Variants in DHRS4 observed in about 807,000 individuals in gnomAD.
The protein encoded by DHRS4 is dehydrogenase/reductase SDR family member 4.
Under a neutral mutation model 28.4 loss-of-function variants are expected in DHRS4, and 20 were observed. The observed-to-expected ratio is 0.71, with a 90% confidence interval of 0.50 to 1.02. The LOEUF is 1.02. Ranked by LOEUF, DHRS4 falls within the 50% of genes least tolerant of loss-of-function variation. DHRS4 has a pLI of 0.00. For synonymous variants in DHRS4, 144 were observed against 146.4 expected (o/e 0.98, Z 0.12); for missense variants, 378 against 367.2 (o/e 1.03, Z -0.24).
chr14:23,967,715 C>CA (rs1309656294), intron 7 of DHRS4: 1 of 273,228 alleles, frequency 3.7e-6, no homozygotes, highest in East Asian at 8.7e-5. Context: ...CTTTCTTCCC[C>CA]AGTGAGCTGG....
At chr14:23,959,490 C>A (rs60914253) in intron 2 of DHRS4, among the ~76,000 whole-genome samples, 1 of 151,900 alleles carries the variant, frequency 6.6e-6, no homozygotes, top group South Asian at 2.1e-4. Context: ...CCCAGTAGGT[C>A]AAGGCTGCAG....
intron 1 of DHRS4, 86 bp from the exon 2 acceptor site, chr14:23,954,949 C>T: frequency 6.3e-7 from 1 of 1,576,098 alleles, no homozygotes; most frequent in Non-Finnish European, 8.6e-7. Flanking sequence ...AGAATTCAAA[C>T]CCGGGCAGTC....
At chr14:23,960,127 G>A in intron 3 of DHRS4, 124 bp downstream of exon 3, 1 of 915,948 alleles carries the variant, frequency 1.1e-6, no homozygotes, top group Non-Finnish European at 1.8e-6. Flanking sequence ...TTTGCCACGT[G>A]CCACACACCT....
intron 3 of DHRS4, among the ~76,000 whole-genome samples, chr14:23,962,774 G>A (rs554801485): frequency 8.6e-5 from 13 of 150,930 alleles, no homozygotes; most frequent in Middle Eastern, 3.4e-3. Context: ...ATCCTTTACA[G>A]AAGGTTTTCA....
chr14:23,954,909 C>T lies in DHRS4; in HGVS notation c.129-126C>T, dbSNP rs1336353723. ...TTAAGCCTGTTTTACACATAGTAGG[C>T]ACACGTAGGGGTTATATAGAGAAAG... On this transcript the variant is annotated intron_variant, in intron 1 of 7. Coordinates refer to ENST00000313250, the MANE Select transcript of DHRS4 (RefSeq NM_021004.4). 2.7e-6 allele frequency: 4 copies of T among 1,474,884 alleles called. No homozygotes were observed. In the East Asian group the frequency reaches 7.0e-5, roughly 26 times the overall value. 91.4% of individuals were successfully genotyped at this position (1,474,884 alleles called of 1,614,324 possible).
chr14:23,955,575 G>A (rs1178430938), intron 2 of DHRS4, among the ~76,000 whole-genome samples: 1 of 152,048 alleles, frequency 6.6e-6, no homozygotes, highest in East Asian at 1.9e-4. Flanking sequence ...GGAACCTCAG[G>A]AAGCAGCCCA....
chr14:23,955,183 G>A lies in DHRS4; in HGVS notation c.277G>A (p.Ala93Thr), dbSNP rs1566467428. The A allele has an allele frequency of 6.2e-7, 1 of 1,613,652 alleles. No homozygotes were observed. The highest frequency in any genetic ancestry group is 2.2e-5 in the East Asian group (1 of 44,878). ...GGGCACCGTGTGCCATGTGGGGAAG[G>A]CGGAGGACCGGGAGCGGCTGGTGGC... ...VTGTVCHVGK[A>T]EDRERLVATA... The change falls in exon 2 of 8, where the codon GCG becomes ACG. Residue 93 changes from alanine (A) to threonine (T), a missense_variant. Coordinates refer to ENST00000313250, the MANE Select transcript of DHRS4 (RefSeq NM_021004.4).
intron 2 of DHRS4, among the ~76,000 whole-genome samples, chr14:23,956,804 A>G (rs965114771): frequency 3.3e-5 from 5 of 152,170 alleles, no homozygotes; most frequent in African/African-American, 1.2e-4. Context: ...GGGTTTCACC[A>G]TGTTGGCCAG....
At chr14:23,959,169 T>C (rs1006123342) in intron 2 of DHRS4, among the ~76,000 whole-genome samples, 5 of 152,092 alleles carry the variant, frequency 3.3e-5, no homozygotes, top group African/African-American at 1.2e-4. Flanking sequence ...GGGGTGAGAC[T>C]TGAAATCATG....
In DHRS4 at chr14:23,955,842, G is replaced by A. The variant is rs573671208; in HGVS notation, c.306+630G>A. Reference sequence around the variant, plus strand: ...TAGTCTCAAAGAAAGTATATAAGTCGATGTCAGAATTAGTAGTGGACACCA... The same window carrying A: ...TAGTCTCAAAGAAAGTATATAAGTCAATGTCAGAATTAGTAGTGGACACCA... On this transcript the variant is annotated intron_variant, in intron 2 of 7. Transcript: ENST00000313250. Among the ~76,000 whole-genome samples, 75 of 152,306 alleles carry A rather than the reference G, an allele frequency of 4.9e-4. 1 individual carries two copies. The highest frequency in any genetic ancestry group is 1.5e-3 in the African/African-American group (62 of 41,558).
At chr14:23,967,422 G>A in intron 7 of DHRS4, 156 bp downstream of exon 7, 1 of 1,176,258 alleles carries the variant, frequency 8.5e-7, no homozygotes, top group Middle Eastern at 2.2e-4. Flanking sequence ...TCACTACAGT[G>A]ACCTGAGCAA....
intron 2 of DHRS4, among the ~76,000 whole-genome samples, chr14:23,957,821 G>A (rs1374045802): frequency 6.7e-6 from 1 of 149,460 alleles, no homozygotes; most frequent in Non-Finnish European, 1.5e-5. Context: ...AAAGTGCTAG[G>A]ATTATAGGTG....
intron 6 of DHRS4, among the ~76,000 whole-genome samples, chr14:23,966,951 C>T (rs1386892077): frequency 2.0e-5 from 3 of 152,312 alleles, no homozygotes; most frequent in Admixed American, 6.5e-5. Flanking sequence ...GTCAGGAGGT[C>T]GAGACCATCT....
At chr14:23,954,457 C>G (rs8009599) in intron 1 of DHRS4, among the ~76,000 whole-genome samples, 1 of 152,004 alleles carries the variant, frequency 6.6e-6, no homozygotes, top group Non-Finnish European at 1.5e-5. Flanking sequence ...CTATCCTGGT[C>G]CTCATTTCTA....
In DHRS4 at chr14:23,953,813, C is replaced by G. The variant is rs373790586; in HGVS notation, c.25C>G (p.Leu9Val). The G allele has an allele frequency of 6.2e-7, 1 of 1,614,152 alleles. No individual in the cohort carries two copies. The highest frequency in any genetic ancestry group is 2.2e-5 in the East Asian group (1 of 44,882). The change falls in exon 1 of 8, where the codon CTC (leucine) becomes GTC (valine). Residue 9 changes from leucine (L) to valine (V), a missense_variant. Transcript: ENST00000313250. Reference sequence around the variant, plus strand: ...CATGCACAAGGCGGGGCTGCTAGGCCTCTGTGCCCGGGCTTGGAATTCGGT... The same window carrying G: ...CATGCACAAGGCGGGGCTGCTAGGCGTCTGTGCCCGGGCTTGGAATTCGGT... MHKAGLLG[L>V]CARAWNSVRM...
intron 1 of DHRS4, among the ~76,000 whole-genome samples, chr14:23,954,477 G>A (rs1408040638): frequency 6.6e-6 from 1 of 152,168 alleles, no homozygotes; most frequent in Non-Finnish European, 1.5e-5. Flanking sequence ...ACAGGACTTT[G>A]CTAGATGCCA....
intron 1 of DHRS4, 138 bp downstream of exon 1, chr14:23,954,054 T>C: frequency 1.4e-6 from 2 of 1,389,070 alleles, no homozygotes; most frequent in Non-Finnish European, 1.9e-6. Flanking sequence ...GGTAGCCACG[T>C]GGTCCGCCTG....
intron 5 of DHRS4, 142 bp downstream of exon 5, chr14:23,966,125 C>A (rs550469897): frequency 1.3e-5 from 21 of 1,591,008 alleles, no homozygotes; most frequent in African/African-American, 2.7e-5. Context: ...CTTGCCTCCA[C>A]AAACCACAAC....
chr14:23,965,899 A>G lies in DHRS4; in HGVS notation c.480-33A>G, dbSNP rs1885807. Reference sequence around the variant, plus strand: ...CACGGGCTGAGGGCACTGGTCCACAATGGGAAGATGGTCAGCTCTCTTCTT... The same window carrying G: ...CACGGGCTGAGGGCACTGGTCCACAGTGGGAAGATGGTCAGCTCTCTTCTT... On this transcript the variant is annotated intron_variant, in intron 4 of 7. Transcript: ENST00000313250. 1.5e-4 allele frequency: 234 copies of G among 1,602,430 alleles called. 10 individuals are homozygous for G. Among genetic ancestry groups the G allele is most frequent in the Non-Finnish European group, 1.8e-4 (208 of 1,174,338 alleles).
Sources: allele counts gnomAD v4.1 joint callset (sites outside exome capture counted in the v4.1 genomes callset), GRCh38; gene constraint gnomAD v4.1.1; transcripts MANE v1.5; gene names NCBI Gene and HGNC (gene_info 2026-07-23, HGNC 2026-07-21).